The following GRIN2A variants were observed in gnomAD, a reference collection of about 807,000 sequenced individuals.
GRIN2A encodes the protein glutamate ionotropic receptor NMDA type subunit 2A, also known as glutamate receptor ionotropic, NMDA 2A.
Under a neutral mutation model 113.4 loss-of-function variants are expected in GRIN2A, and 22 were observed. The ratio of observed to expected loss-of-function variants is 0.19; its 90% CI spans 0.14 to 0.28. The LOEUF is 0.28. Among genes scored for constraint, GRIN2A ranks in the 10% least tolerant of loss-of-function variants. GRIN2A has a pLI of 1.00. For missense variants in GRIN2A, 1,502 were observed against 1,887.0 expected (o/e 0.80, Z 3.78); for synonymous variants, 827 against 738.4 (o/e 1.12, Z -1.94).
chr16:9,771,975 G>C (rs1475584949), intron 11 of GRIN2A, among the ~76,000 whole-genome samples: 4 of 151,970 alleles, frequency 2.6e-5, no homozygotes, highest in Admixed American at 2.6e-4. Context: ...CAGACTAAGT[G>C]ACTCATTAAA....
intron 11 of GRIN2A, chr16:9,794,516 T>C (rs1902846014): frequency 6.6e-6 from 1 of 152,194 alleles, no homozygotes. Context: ...ATGTATTTAC[T>C]CCTAGAGAGA....
chr16:9,980,551 G>A (rs751166311), intron 2 of GRIN2A, among the ~76,000 whole-genome samples: 7 of 151,978 alleles, frequency 4.6e-5, no homozygotes, highest in Admixed American at 6.6e-5. Flanking sequence ...TGTTTACTGC[G>A]GTACTATTCA....
intron 2 of GRIN2A, among the ~76,000 whole-genome samples, chr16:10,046,571 T>G (rs1458643094): frequency 6.6e-6 from 1 of 152,176 alleles, no homozygotes; most frequent in Non-Finnish European, 1.5e-5. Flanking sequence ...CACCTTTCAA[T>G]GCATCCCAAT....
At chr16:9,909,185 A>C (rs2044085880) in intron 3 of GRIN2A, among the ~76,000 whole-genome samples, 1 of 152,190 alleles carries the variant, frequency 6.6e-6, no homozygotes, top group South Asian at 2.1e-4. Flanking sequence ...GGGAAACTCC[A>C]CCTTTTTAAA....
At chr16:9,836,896 A>G (rs1219640092) in intron 7 of GRIN2A, among the ~76,000 whole-genome samples, 3 of 152,210 alleles carry the variant, frequency 2.0e-5, no homozygotes, top group Non-Finnish European at 4.4e-5. Context: ...CTTTGGATCA[A>G]AGAATCCAAC....
In GRIN2A at chr16:10,079,188, A is replaced by G. The variant is rs560032132; in HGVS notation, c.414+100810T>C. ...CTGTGCCTTTGGGAGCTTAATTTCT[A>G]GTAGGGACTGGAGGAGAGGGGCATA... On this transcript the variant is annotated intron_variant, in intron 2 of 12. Transcript: ENST00000330684. Among the ~76,000 whole-genome samples, 10 of 152,364 alleles carry G rather than the reference A, an allele frequency of 6.6e-5. No individual in the cohort carries two copies. The South Asian group carries it at 2.1e-3, about 32-fold the overall frequency.
At chr16:9,936,687 T>C (rs144422978) in intron 3 of GRIN2A, among the ~76,000 whole-genome samples, 6 of 152,330 alleles carry the variant, frequency 3.9e-5, no homozygotes, top group African/African-American at 1.4e-4. Context: ...TTATGATACA[T>C]TCACATAATG....
intron 2 of GRIN2A, among the ~76,000 whole-genome samples, chr16:10,068,710 T>C (rs1465349595): frequency 2.6e-5 from 4 of 152,120 alleles, no homozygotes; most frequent in African/African-American, 7.2e-5. Context: ...GAGAGGCAGA[T>C]AATAGATAAT....
At chr16:9,809,767 C>A (rs150415548) in intron 10 of GRIN2A, among the ~76,000 whole-genome samples, 1 of 152,200 alleles carries the variant, frequency 6.6e-6, no homozygotes, top group Non-Finnish European at 1.5e-5. Flanking sequence ...ACAGGTAATA[C>A]ACTCATAAAA....
At chr16:10,066,558 C>T (rs1328762026) in intron 2 of GRIN2A, among the ~76,000 whole-genome samples, 2 of 152,130 alleles carry the variant, frequency 1.3e-5, no homozygotes, top group Admixed American at 6.5e-5. Flanking sequence ...TGAGTAAGAC[C>T]TCACTCACAA....
rs1331097470 is a variant in GRIN2A, at chr16:9,760,370, G to C, written c.*2779C>G. 2 of 87,114 alleles carry C rather than the reference G, an allele frequency of 2.3e-5. No homozygotes were observed. Among genetic ancestry groups the C allele is most frequent in the South Asian group, 9.7e-4 (2 of 2,068 alleles). The allele number at this position is 87,114 out of a possible 1,614,324, so 5.4% of individuals were successfully genotyped here. A position where few individuals can be genotyped will look rare whatever the true frequency, so the allele number is the denominator to read the frequency against. On this transcript the variant is annotated 3_prime_UTR_variant, in exon 13 of 13. Coordinates refer to ENST00000330684, the MANE Select transcript of GRIN2A (RefSeq NM_001134407.3). ...TTAGAAATTGACCATCTGATCAGTA[G>C]TTGATTTTTTTTTTTTTTTTTTTTT... is the stretch of plus-strand genomic sequence containing the variant.
At chr16:9,953,502 A>G (rs1185787018) in intron 2 of GRIN2A, among the ~76,000 whole-genome samples, 2 of 152,154 alleles carry the variant, frequency 1.3e-5, no homozygotes, top group Non-Finnish European at 2.9e-5. Flanking sequence ...CCCTGCAGGG[A>G]GTCCACCAAG....
intron 2 of GRIN2A, among the ~76,000 whole-genome samples, chr16:10,069,604 C>G (rs1285012618): frequency 6.6e-6 from 1 of 152,234 alleles, no homozygotes. Flanking sequence ...TCCCTTTCCA[C>G]CAGGGACAGA....
At chr16:10,146,180 C>T (rs918814880) in intron 2 of GRIN2A, among the ~76,000 whole-genome samples, 8 of 152,114 alleles carry the variant, frequency 5.3e-5, no homozygotes, top group South Asian at 2.1e-4. Flanking sequence ...TGCAGTGGTG[C>T]GATCTCGGCT....
At chr16:10,179,893 C>CCCCAAAAAAAAAA in intron 2 of GRIN2A, 105 bp downstream of exon 2, 9 of 719,812 alleles carry the variant, frequency 1.3e-5, no homozygotes, top group East Asian at 1.1e-4. Context: ...CCCCCACCCC[C>CCCCAAAAAAAAAA]ACTTCACATC....
At chr16:9,858,217 G>C (rs1042540066) in intron 4 of GRIN2A, among the ~76,000 whole-genome samples, 1 of 152,134 alleles carries the variant, frequency 6.6e-6, no homozygotes, top group African/African-American at 2.4e-5. Flanking sequence ...AAGAAATTGA[G>C]AGAAGAAAGC....
chr16:10,094,883 C>CAAAAAAAAAAAAAAAAAAAAAAAAA (rs58041208), intron 2 of GRIN2A, among the ~76,000 whole-genome samples: 1 of 117,446 alleles, frequency 8.5e-6, no homozygotes, highest in Non-Finnish European at 1.8e-5. Flanking sequence ...GAATGTGCAC[C>CAAAAAAAAAAAAAAAAAAAAAAAAA]AAAAAAAAAA....
chr16:9,885,480 G>T (rs2043569498), intron 4 of GRIN2A, among the ~76,000 whole-genome samples: 1 of 152,208 alleles, frequency 6.6e-6, no homozygotes, highest in African/African-American at 2.4e-5. Flanking sequence ...CAGTATACAG[G>T]CAGGCCTGGT....
intron 4 of GRIN2A, among the ~76,000 whole-genome samples, chr16:9,873,906 A>G (rs552144190): frequency 4.6e-5 from 7 of 152,354 alleles, no homozygotes; most frequent in African/African-American, 1.7e-4. Context: ...CACGGTAGGA[A>G]TCAACAGGAA....
Sources: allele counts gnomAD v4.1 joint callset (sites outside exome capture counted in the v4.1 genomes callset), GRCh38; gene constraint gnomAD v4.1.1; transcripts MANE v1.5; gene names NCBI Gene and HGNC (gene_info 2026-07-23, HGNC 2026-07-21).